INO80E: variants seen among roughly 807,000 people sequenced by gnomAD.
The protein encoded by INO80E is coiled-coil domain containing 95.
INO80E carries 20 observed loss-of-function variants against 27.3 expected under a neutral mutation model. That is an observed-to-expected ratio of 0.73 (90% CI 0.51 to 1.06). The LOEUF (loss-of-function observed/expected upper bound fraction) is 1.06, where lower values mean the gene tolerates loss of function less well. Ranked by LOEUF, INO80E falls within the 50% of genes least tolerant of loss-of-function variation. The pLI is 0.00. For synonymous variants in INO80E, 167 were observed against 145.9 expected, an observed-to-expected ratio of 1.14 and a Z score of -1.04; for missense variants, 357 against 322.8, an observed-to-expected ratio of 1.11 and a Z score of -0.81.
intron 3 of INO80E, among the ~76,000 whole-genome samples, chr16:30,000,486 C>T (rs533264170): frequency 2.0e-5 from 3 of 152,172 alleles, no homozygotes; most frequent in Non-Finnish European, 4.4e-5. Flanking sequence ...GCCTCAGCCT[C>T]CTGAGTAGCT....
At chr16:30,000,727 C>T in intron 3 of INO80E, 31 bp from the exon 4 acceptor site, 3 of 1,584,788 alleles carry the variant, frequency 1.9e-6, no homozygotes, top group Non-Finnish European at 2.6e-6. Context: ...GGGATCCCCC[C>T]ATCCCCACTG....
chr16:29,996,847 T>C lies in INO80E; in HGVS notation c.192T>C (p.Asp64=). The C allele has an allele frequency of 6.2e-7, 1 of 1,614,180 alleles. No individual in the cohort carries two copies. Among genetic ancestry groups the C allele is most frequent in the Non-Finnish European group, 8.5e-7 (1 of 1,180,002 alleles). Residue 64 remains aspartate (D), a synonymous_variant, in exon 3 of 7, where the codon GAT becomes GAC. Transcript: ENST00000563197. The part of the protein sequence containing the change: ...LDRLLQYENV[D]EDSSDSDATA... ...GACTTCTGCAGTACGAGAACGTGGA[T>C]GAAGACTCTTCGGGTGAGCAAGGTC...
chr16:30,005,150 G>A (rs955891784), intron 6 of INO80E, 71 bp from the exon 7 acceptor site: 3 of 1,408,842 alleles, frequency 2.1e-6, no homozygotes, highest in Non-Finnish European at 2.8e-6. Flanking sequence ...GCCCTGGGGG[G>A]CAAAGCCTAG....
intron 3 of INO80E, among the ~76,000 whole-genome samples, chr16:30,000,262 GGAGGCTGGA>G (rs2070297293): frequency 6.6e-6 from 1 of 152,172 alleles, no homozygotes; most frequent in Non-Finnish European, 1.5e-5. Flanking sequence ...GGGGGGCTGG[GGAGGCTGGA>G]GAGGCTATGG....
At position 30,000,937 on chromosome 16, in the gene INO80E, G is replaced by A; in HGVS notation, c.293G>A (p.Ser98Asn). The change falls in exon 5 of 7, where the codon AGC becomes AAC. Residue 98 changes from serine to asparagine, a missense_variant. By Grantham distance (46) the Ser-to-Asn change is conservative. Coordinates refer to ENST00000563197, the MANE Select transcript of INO80E (RefSeq NM_173618.3). Reference sequence around the variant, plus strand: ...CCCTGTCCTTTCTCCAGGAAGAGAAGCCCTCCGCTGGGGGGCGCCCCCTCT... The same window carrying A: ...CCCTGTCCTTTCTCCAGGAAGAGAAACCCTCCGCTGGGGGGCGCCCCCTCT... ...SDTPAPKRKR[S>N]PPLGGAPSPS... 4.4e-6 allele frequency: 7 copies of A among 1,595,940 alleles called. No individual in the cohort carries two copies. Among genetic ancestry groups the A allele is most frequent in the Non-Finnish European group, 5.1e-6 (6 of 1,167,830 alleles).
Position 29,996,794 on chromosome 16 carries a change from T to C in INO80E, c.153-14T>C. ...CTGGAAAATCACTGTCCGTGTCTCC[T>C]TCCCTCCCCTCAGTTTCCTCCTAGA... On this transcript the variant is annotated splice_polypyrimidine_tract_variant and intron_variant, in intron 2 of 6. Transcript: ENST00000563197. 1 of 1,613,908 alleles carries C rather than the reference T, an allele frequency of 6.2e-7. No homozygotes were observed. The highest frequency in any genetic ancestry group is 1.3e-5 in the African/African-American group (1 of 75,054).
Position 29,996,890 on chromosome 16 carries a change from A to G in INO80E, c.205+30A>G, listed in dbSNP as rs191800755. On this transcript the variant is annotated intron_variant, in intron 3 of 6. Transcript: ENST00000563197. ...GCAAGGTCTTCAAAAATTGGTGGAG[A>G]GCATGGTTCCTGGTACTTAGCAAGC... is the stretch of plus-strand genomic sequence containing the variant. The G allele has an allele frequency of 1.4e-4, 224 of 1,609,876 alleles. 1 individual carries two copies. In the African/African-American group the frequency reaches 2.5e-3, roughly 18 times the overall value.
At position 30,004,760 on chromosome 16, in the gene INO80E, G is replaced by C. The variant is rs76349821; in HGVS notation, c.514-461G>C. On this transcript the variant is annotated intron_variant, in intron 6 of 6. Transcript: ENST00000563197. Reference sequence around the variant, plus strand: ...GCTTCTTGGGGGCAGATAAGCCGCTGGGGCTCCTGGCTCAGGCAGCCTGCA... The same window carrying C: ...GCTTCTTGGGGGCAGATAAGCCGCTCGGGCTCCTGGCTCAGGCAGCCTGCA... 9.8e-3 allele frequency: 1,536 copies of C among 156,822 alleles called. 10 individuals are homozygous for C. Among genetic ancestry groups the C allele is most frequent in the Admixed American group, 0.016 (248 of 15,340 alleles). The allele number at this position is 156,822 out of a possible 1,614,324, so 9.7% of individuals were successfully genotyped here.
chr16:30,001,288 G>T, intron 5 of INO80E, 126 bp from the exon 6 acceptor site: 1 of 1,491,322 alleles, frequency 6.7e-7, no homozygotes, highest in Non-Finnish European at 9.0e-7. Flanking sequence ...CTGTGCTCGG[G>T]AGCCCCGGGA....
intron 3 of INO80E, among the ~76,000 whole-genome samples, chr16:30,000,535 T>G (rs2070309248): frequency 6.6e-6 from 1 of 152,112 alleles, no homozygotes; most frequent in Non-Finnish European, 1.5e-5. Flanking sequence ...GGATAATTGT[T>G]TTTGTTTTTA....
intron 5 of INO80E, 180 bp downstream of exon 5, chr16:30,001,220 C>T: frequency 6.7e-7 from 1 of 1,488,962 alleles, no homozygotes; most frequent in Non-Finnish European, 8.9e-7. Context: ...AGGAACGGGG[C>T]CAGGCCTGAC....
rs777038099 is a variant in INO80E at position 29,996,614 on chromosome 16, A to G, written c.149A>G (p.Lys50Arg). Reference sequence around the variant, plus strand: ...AAATTACTGAAGGTGTCCCGGGACAAGAGGTGAGGCACGTTGCAGGGGCGG... The same window carrying G: ...AAATTACTGAAGGTGTCCCGGGACAGGAGGTGAGGCACGTTGCAGGGGCGG... ...QRKLLKVSRD[K>R]SFLLDRLLQY... The change falls in exon 2 of 7, where the codon AAG becomes AGG. Residue 50 changes from lysine (K) to arginine (R), a missense_variant. Lys to Arg is a conservative substitution (Grantham distance 26). Coordinates refer to ENST00000563197, the MANE Select transcript of INO80E (RefSeq NM_173618.3). 1 of 1,581,392 alleles carries G rather than the reference A, an allele frequency of 6.3e-7. No individual in the cohort carries two copies.
In INO80E at chr16:30,005,745, G is replaced by T; in HGVS notation, c.*303G>T. ...CTCTTTAAAAGGGCAGCTGTACAGGGCTAGGTTTTTTCAATGAAGTTTCTG... is the reference window on the plus strand; with the variant it reads ...CTCTTTAAAAGGGCAGCTGTACAGGTCTAGGTTTTTTCAATGAAGTTTCTG... On this transcript the variant is annotated 3_prime_UTR_variant, in exon 7 of 7. Coordinates refer to ENST00000563197, the MANE Select transcript of INO80E (RefSeq NM_173618.3). 1 of 498,170 alleles carries T rather than the reference G, an allele frequency of 2.0e-6. No homozygotes were observed. The highest frequency in any genetic ancestry group is 3.5e-6 in the Non-Finnish European group (1 of 282,388). The allele number at this position is 498,170 out of a possible 1,614,324, so 30.9% of individuals were successfully genotyped here. A position where few individuals can be genotyped will look rare whatever the true frequency, so the allele number is the denominator to read the frequency against.
chr16:30,004,882 G>C lies in INO80E; in HGVS notation c.514-339G>C, dbSNP rs146727060. ...GTGGCACCTCCGGGGCCGGCAGGCA[G>C]GCAAGCACTCCAGGCCGACTCCGCC... On this transcript the variant is annotated intron_variant, in intron 6 of 6. Transcript: ENST00000563197. 5.9e-3 allele frequency among the ~76,000 whole-genome samples: 902 copies of C among 152,254 alleles called. 13 individuals are homozygous for C. The highest frequency in any genetic ancestry group is 0.02 in the African/African-American group (815 of 41,538).
Position 30,005,308 on chromosome 16 carries a change from A to AGGCC in INO80E, c.601_602insGGCC (p.Thr201ArgfsTer8). On this transcript the variant is annotated frameshift_variant, in exon 7 of 7. Coordinates refer to ENST00000563197, the MANE Select transcript of INO80E (RefSeq NM_173618.3). LOFTEE classifies it high-confidence loss of function. ...TGGGGCTGGGGTCGGGACAACCCTGACCCCCCTCCCACCCCCTAAGATGCC... is the reference window on the plus strand; with the variant it reads ...TGGGGCTGGGGTCGGGACAACCCTGAGGCCCCCCCCTCCCACCCCCTAAGATGCC... 1 of 521,320 alleles carries AGGCC rather than the reference A, an allele frequency of 1.9e-6. No homozygotes were observed. The highest frequency in any genetic ancestry group is 3.0e-6 in the Non-Finnish European group (1 of 335,722). The allele number at this position is 521,320 out of a possible 1,614,324, so 32.3% of individuals were successfully genotyped here. A position where few individuals can be genotyped will look rare whatever the true frequency, so the allele number is the denominator to read the frequency against.
At chr16:29,996,474 G>C in intron 1 of INO80E, 73 bp from the exon 2 acceptor site, 1 of 1,550,414 alleles carries the variant, frequency 6.4e-7, no homozygotes, top group Non-Finnish European at 8.7e-7. Context: ...AAGTGGGTGG[G>C]GCGAGCGGCC....
In INO80E at chr16:30,005,733, C is replaced by T; in HGVS notation, c.*291C>T. 1.9e-6 allele frequency: 1 copy of T among 513,242 alleles called. No individual in the cohort carries two copies. The highest frequency in any genetic ancestry group is 3.4e-6 in the Non-Finnish European group (1 of 292,092). 31.8% of individuals were successfully genotyped at this position (513,242 alleles called of 1,614,324 possible). A position where few individuals can be genotyped will look rare whatever the true frequency, so the allele number is the denominator to read the frequency against. Reference sequence around the variant, plus strand: ...TGCAATGGCCACCTCTTTAAAAGGGCAGCTGTACAGGGCTAGGTTTTTTCA... The same window carrying T: ...TGCAATGGCCACCTCTTTAAAAGGGTAGCTGTACAGGGCTAGGTTTTTTCA... On this transcript the variant is annotated 3_prime_UTR_variant, in exon 7 of 7. Coordinates refer to ENST00000563197, the MANE Select transcript of INO80E (RefSeq NM_173618.3).
chr16:30,005,538 C>T lies in INO80E; in HGVS notation c.*96C>T. 4 of 1,161,908 alleles carry T rather than the reference C, an allele frequency of 3.4e-6. No homozygotes were observed. Among genetic ancestry groups the T allele is most frequent in the South Asian group, 2.7e-5 (2 of 73,112 alleles). 72.0% of individuals were successfully genotyped at this position (1,161,908 alleles called of 1,614,324 possible). A position where few individuals can be genotyped will look rare whatever the true frequency, so the allele number is the denominator to read the frequency against. ...CTTCCTCGGAGGTGTTTATTGATGC[C>T]CAGCTGCCATGCTCCGGCCACTGAC... On this transcript the variant is annotated 3_prime_UTR_variant, in exon 7 of 7. Transcript: ENST00000563197.
chr16:30,001,112 C>G (rs1279040437), intron 5 of INO80E, 72 bp downstream of exon 5: 5 of 1,478,458 alleles, frequency 3.4e-6, no homozygotes, highest in Non-Finnish European at 3.6e-6. Context: ...GGCTGGGCCT[C>G]GGGGCAAGGC....
Sources: allele counts gnomAD v4.1 joint callset (sites outside exome capture counted in the v4.1 genomes callset), GRCh38; gene constraint gnomAD v4.1.1; transcripts MANE v1.5; gene names NCBI Gene and HGNC (gene_info 2026-07-23, HGNC 2026-07-21).